The following TMEM260 variants were observed in gnomAD, a reference collection of about 807,000 sequenced individuals.
TMEM260 encodes transmembrane protein 260, also known as protein O-mannosyl-transferase TMEM260.
A neutral mutation model predicts 88.9 loss-of-function variants in TMEM260; 82 were observed. That is an observed-to-expected ratio of 0.92 (90% CI 0.77 to 1.11). The LOEUF is 1.11. Ranked by LOEUF, TMEM260 falls within the 50% of genes least tolerant of loss-of-function variation. TMEM260 has a pLI of 0.00. For missense variants in TMEM260, 902 were observed against 853.4 expected (o/e 1.06, Z -0.71); for synonymous variants, 314 against 309.3 (o/e 1.02, Z -0.16).
At chr14:56,585,172 C>A in intron 2 of TMEM260, 140 bp downstream of exon 2, 1 of 675,186 alleles carries the variant, frequency 1.5e-6, no homozygotes, top group Non-Finnish European at 2.4e-6. Flanking sequence ...CAGTACGTGA[C>A]AATTTACTTT....
At chr14:56,646,700 G>T (rs749332132) in intron 15 of TMEM260, among the ~76,000 whole-genome samples, 1 of 152,140 alleles carries the variant, frequency 6.6e-6, no homozygotes, top group Non-Finnish European at 1.5e-5. Context: ...ATCACACCCA[G>T]CCTCTCTGAT....
At chr14:56,601,935 A>G (rs1314771500) in intron 3 of TMEM260, among the ~76,000 whole-genome samples, 1 of 152,154 alleles carries the variant, frequency 6.6e-6, no homozygotes, top group Non-Finnish European at 1.5e-5. Flanking sequence ...CTCTAGAATC[A>G]GCCATTTCTC....
the TMEM260 span, among the ~76,000 whole-genome samples, chr14:56,661,119 T>G: frequency 6.6e-6 from 1 of 152,176 alleles, no homozygotes; most frequent in Non-Finnish European, 1.5e-5. Context: ...TGCCCAGGTG[T>G]CAGGTGGCTG....
chr14:56,663,076 C>CCAAGAT, the TMEM260 span, among the ~76,000 whole-genome samples: 1 of 152,062 alleles, frequency 6.6e-6, no homozygotes, highest in Admixed American at 6.6e-5. This position sits in a 1 kb window ranked among gnomAD's most constrained non-coding sequence, Gnocchi z 4.1. Context: ...TTGGGGTGAG[C>CCAAGAT]CAAGATCGCG....
chr14:56,611,631 G>A (rs746482826), intron 6 of TMEM260, among the ~76,000 whole-genome samples: 10 of 152,156 alleles, frequency 6.6e-5, no homozygotes, highest in Non-Finnish European at 8.8e-5. Context: ...GCAATGTGGC[G>A]ATTTCTGAAA....
At chr14:56,632,560 G>T (rs1025390664) in intron 12 of TMEM260, among the ~76,000 whole-genome samples, 1 of 140,728 alleles carries the variant, frequency 7.1e-6, no homozygotes, top group African/African-American at 2.5e-5. Context: ...AAAATGGGGG[G>T]ACTTTTCTTG....
intron 12 of TMEM260, 87 bp from the exon 13 acceptor site, chr14:56,632,908 C>G: frequency 7.7e-7 from 1 of 1,302,146 alleles, no homozygotes; most frequent in Non-Finnish European, 1.1e-6. Flanking sequence ...GGGAAAAAAT[C>G]TAAAAATGAT....
At chr14:56,636,228 CAAT>C (rs1396657300) in intron 14 of TMEM260, among the ~76,000 whole-genome samples, 1 of 152,094 alleles carries the variant, frequency 6.6e-6, no homozygotes, top group Non-Finnish European at 1.5e-5. Context: ...TCTTGCATAA[CAAT>C]AACATACATT....
intron 3 of TMEM260, among the ~76,000 whole-genome samples, chr14:56,591,215 C>A (rs901872415): frequency 7.9e-5 from 12 of 152,124 alleles, no homozygotes; most frequent in Non-Finnish European, 1.3e-4. Context: ...GCACATATTT[C>A]TTTAAATTAC....
At chr14:56,661,120 C>T in the TMEM260 span, among the ~76,000 whole-genome samples, 5 of 152,234 alleles carry the variant, frequency 3.3e-5, no homozygotes, top group South Asian at 6.2e-4. Flanking sequence ...GCCCAGGTGT[C>T]AGGTGGCTGC....
At chr14:56,651,465 T>C (rs1030544542), downstream of TMEM260, among the ~76,000 whole-genome samples, 11 of 152,186 alleles carry the variant, frequency 7.2e-5, no homozygotes, top group Admixed American at 3.9e-4. Context: ...AAGTAGCGTT[T>C]CCAGCACTGT....
At position 56,647,462 on chromosome 14, in the gene TMEM260, G is replaced by C. The variant is rs767169812; in HGVS notation, c.2089G>C (p.Glu697Gln). 3.7e-6 allele frequency: 6 copies of C among 1,609,684 alleles called. No homozygotes were observed. In the Admixed American group the frequency reaches 1.0e-4, roughly 27 times the overall value. The change falls in exon 16 of 16, where the codon GAA (glutamate) becomes CAA (glutamine). Residue 697 changes from glutamate to glutamine, a missense_variant. By Grantham distance (29) the Glu-to-Gln change is conservative. Transcript: ENST00000261556. ...AGGTGCTCTAAAGCACCTAAGAAAA[G>C]AACTGCAAAGTCTGAGAAATAGGAA... The part of the protein sequence containing the change: ...ILGALKHLRK[E>Q]LQSLRNRKNV
At chr14:56,608,655 A>G (rs566160078) in intron 5 of TMEM260, among the ~76,000 whole-genome samples, 16 of 152,064 alleles carry the variant, frequency 1.1e-4, no homozygotes, top group African/African-American at 2.9e-4. Flanking sequence ...AATTGTCAAC[A>G]TATAATCATA....
the TMEM260 span, among the ~76,000 whole-genome samples, chr14:56,659,234 A>G: frequency 6.7e-6 from 1 of 150,300 alleles, no homozygotes; most frequent in Non-Finnish European, 1.5e-5. Context: ...TTTAGGAATA[A>G]AAGAGGGTTT....
chr14:56,596,444 A>G (rs1886234680), intron 3 of TMEM260, among the ~76,000 whole-genome samples: 1 of 148,792 alleles, frequency 6.7e-6, no homozygotes. Flanking sequence ...ACACATATAC[A>G]TATATATAGA....
intron 15 of TMEM260, among the ~76,000 whole-genome samples, chr14:56,643,675 G>A (rs1244575380): frequency 1.3e-5 from 2 of 152,142 alleles, no homozygotes; most frequent in Non-Finnish European, 2.9e-5. Context: ...TCAGGCAGGA[G>A]AAGGAAATAA....
At chr14:56,604,332 G>A (rs1261989904) in intron 4 of TMEM260, among the ~76,000 whole-genome samples, 3 of 152,026 alleles carry the variant, frequency 2.0e-5, no homozygotes, top group Non-Finnish European at 4.4e-5. Context: ...CTCTACACTG[G>A]CCCCCTTAAA....
chr14:56,586,136 C>A (rs144190251), intron 3 of TMEM260, among the ~76,000 whole-genome samples: 1 of 152,236 alleles, frequency 6.6e-6, no homozygotes, highest in Non-Finnish European at 1.5e-5. Flanking sequence ...AGTTCATTAT[C>A]ACAGTTCTCT....
intron 12 of TMEM260, among the ~76,000 whole-genome samples, chr14:56,629,247 C>G (rs1038023200): frequency 6.8e-6 from 1 of 146,874 alleles, no homozygotes; most frequent in African/African-American, 2.5e-5. Context: ...TACTATATCG[C>G]TTGGTAAAGT....
Sources: gnomAD v4.1 joint callset for allele counts (sites outside exome capture counted in the v4.1 genomes callset) on GRCh38, gnomAD v4.1.1 for gene constraint, Gnocchi (gnomAD v3.1) non-coding constraint, MANE v1.5 for transcripts, NCBI Gene and HGNC (gene_info 2026-07-23, HGNC 2026-07-21) for gene names.